Variants in NCAM1 observed in about 807,000 individuals in gnomAD.
NCAM1 encodes neural cell adhesion molecule 1, also known as antigen recognized by monoclonal antibody 5.1H11.
A neutral mutation model predicts 109.8 loss-of-function variants in NCAM1; 14 were observed. The observed-to-expected ratio is 0.13, with a 90% CI of 0.08 to 0.20. NCAM1 has a LOEUF of 0.20. Among genes scored for constraint, NCAM1 ranks in the 10% least tolerant of loss-of-function variants. The pLI is 1.00. For synonymous variants in NCAM1, 418 were observed against 442.9 expected (o/e 0.94, Z 0.70); for missense variants, 774 against 1,109.9 (o/e 0.70, Z 4.30).
At chr11:113,187,655 G>A (rs1268942487) in intron 1 of NCAM1, among the ~76,000 whole-genome samples, 1 of 151,956 alleles carries the variant, frequency 6.6e-6, no homozygotes, top group Non-Finnish European at 1.5e-5. Flanking sequence ...GACTCAGTGA[G>A]GAACGCTCCA....
Position 113,207,271 on chromosome 11 carries a change from C to T in NCAM1, c.639C>T (p.Thr213=). The change falls in exon 6 of 20, where the codon ACC becomes ACT. Residue 213 remains threonine, a synonymous_variant. Coordinates refer to ENST00000316851, the MANE Select transcript of NCAM1 (RefSeq NM_181351.5). ...DIQVIVNVPP[T]IQARQNIVNA... Reference sequence around the variant, plus strand: ...CCTTTTTTCCTTCAGTGCCACCTACCATCCAGGCCAGGCAGAATATTGTGA... The same window carrying T: ...CCTTTTTTCCTTCAGTGCCACCTACTATCCAGGCCAGGCAGAATATTGTGA... 3.1e-6 allele frequency: 5 copies of T among 1,613,848 alleles called. 1 individual carries two copies. The highest frequency in any genetic ancestry group is 1.1e-5 in the South Asian group (1 of 91,076).
intron 9 of NCAM1, among the ~76,000 whole-genome samples, chr11:113,230,802 G>T (rs964580813): frequency 6.6e-6 from 1 of 152,148 alleles, no homozygotes; most frequent in South Asian, 2.1e-4. Context: ...GACTCTTCCT[G>T]GGCCAGCAAC....
Position 113,267,167 on chromosome 11 carries a change from CT to C in NCAM1, c.2132-3018del, listed in dbSNP as rs558565661. Among the ~76,000 whole-genome samples, 234 of 152,282 alleles carry C rather than the reference CT, an allele frequency of 1.5e-3. 1 individual carries two copies. Among genetic ancestry groups the C allele is most frequent in the African/African-American group, 5.0e-3 (206 of 41,550 alleles). ...TACTTCTTCCTTCTGGTTATAACAC[CT>C]TTAAATATTTGGAAATAGTATTCTC... On this transcript the variant is annotated intron_variant, in intron 17 of 19. Transcript: ENST00000316851.
intron 1 of NCAM1, among the ~76,000 whole-genome samples, chr11:113,185,079 T>TAGAGAG (rs782462491): frequency 3.2e-5 from 4 of 125,742 alleles, no homozygotes; most frequent in East Asian, 5.7e-4. Flanking sequence ...TATATATATA[T>TAGAGAG]AGAGAGAGAG....
At chr11:113,152,675 A>G (rs1225225727) in intron 1 of NCAM1, among the ~76,000 whole-genome samples, 1 of 152,218 alleles carries the variant, frequency 6.6e-6, no homozygotes, top group East Asian at 1.9e-4. Context: ...AATCAACAAA[A>G]CTATATTCAA....
chr11:112,985,267 G>GC (rs1375951258), intron 1 of NCAM1, among the ~76,000 whole-genome samples: 1 of 96,978 alleles, frequency 1.0e-5, no homozygotes, highest in African/African-American at 3.7e-5. Context: ...TTTTTTTTTT[G>GC]CCAGTACCAT....
rs782337800 is a variant in NCAM1, at chr11:113,207,840, G to A, written c.754G>A (p.Glu252Lys). The A allele has an allele frequency of 8.7e-6, 14 of 1,609,944 alleles. No individual in the cohort carries two copies. The highest frequency in any genetic ancestry group is 3.3e-4 in the Middle Eastern group (2 of 6,060). ...CATTTCTACATGCTCTAGGGATGGG[G>A]AACAGATAGAGCAAGAGGAAGACGA... ...EPTMSWTKDG[E>K]QIEQEEDDEK... The change falls in exon 7 of 20, where the codon GAA becomes AAA. Residue 252 changes from glutamate to lysine, a missense_variant. Physicochemically the swap from Glu to Lys is moderately conservative, Grantham distance 56 (BLOSUM62 1). Around this residue, in one of 4 missense-constraint regions of NCAM1, gnomAD observed 523 missense variants for 784.2 expected, o/e 0.67. Coordinates refer to ENST00000316851, the MANE Select transcript of NCAM1 (RefSeq NM_181351.5).
chr11:113,121,004 A>G (rs1299102923), intron 1 of NCAM1, among the ~76,000 whole-genome samples: 4 of 152,212 alleles, frequency 2.6e-5, no homozygotes, highest in East Asian at 1.9e-4. Flanking sequence ...TTCCTCTGTG[A>G]TATGAGTTTT....
chr11:113,101,848 C>G (rs1939891047), intron 1 of NCAM1, among the ~76,000 whole-genome samples: 1 of 152,076 alleles, frequency 6.6e-6, no homozygotes, highest in African/African-American at 2.4e-5. Context: ...TTGCTATTTC[C>G]CAAGATGTGC....
At chr11:113,145,422 T>C (rs1349218258) in intron 1 of NCAM1, among the ~76,000 whole-genome samples, 2 of 152,216 alleles carry the variant, frequency 1.3e-5, no homozygotes, top group African/African-American at 2.4e-5. Context: ...AGTATTTGTT[T>C]CTGGAACAAT....
At chr11:113,134,028 TA>T (rs1941508849) in intron 1 of NCAM1, 2 of 152,204 alleles carry the variant, frequency 1.3e-5, no homozygotes, top group African/African-American at 4.8e-5. Flanking sequence ...TAATCATTTT[TA>T]AGTATACCCT....
At chr11:113,046,802 A>G (rs1364965477) in intron 1 of NCAM1, among the ~76,000 whole-genome samples, 2 of 149,566 alleles carry the variant, frequency 1.3e-5, no homozygotes, top group Admixed American at 6.9e-5. Context: ...GAAGAAAGAA[A>G]AGAGAGAGAG....
intron 1 of NCAM1, among the ~76,000 whole-genome samples, chr11:113,192,137 G>GCTGGAAGAAAAGAACATCGA (rs1359264890): frequency 2.0e-5 from 3 of 152,202 alleles, no homozygotes; most frequent in African/African-American, 7.2e-5. Context: ...CCTTTTTATA[G>GCTGGAAGAAAAGAACATCGA]CTGGAAGAAA....
intron 16 of NCAM1, among the ~76,000 whole-genome samples, chr11:113,259,432 G>A (rs1945922719): frequency 1.3e-5 from 2 of 152,182 alleles, no homozygotes; most frequent in Admixed American, 1.3e-4. Flanking sequence ...AACTTAAGCA[G>A]CATCCTGAAA....
At chr11:113,009,697 C>T (rs1555074032) in intron 1 of NCAM1, among the ~76,000 whole-genome samples, 1 of 152,066 alleles carries the variant, frequency 6.6e-6, no homozygotes, top group African/African-American at 2.4e-5. Flanking sequence ...TTTTCCAAGA[C>T]CATGTCTCCA....
rs1555126924 is a variant in NCAM1 at position 113,277,849 on chromosome 11, T to TTAAAAAAAAAA, written c.*2462_*2463insTAAAAAAAAAA. On this transcript the variant is annotated 3_prime_UTR_variant, in exon 20 of 20. Coordinates refer to ENST00000316851, the MANE Select transcript of NCAM1 (RefSeq NM_181351.5). ...TCTCAGCATGCAAGAGTTTTTCCTT[T>TTAAAAAAAAAA]AAAAAAAAAAAAAAAAAAAAAAAAA... 1.6e-5 allele frequency: 1 copy of TTAAAAAAAAAA among 63,250 alleles called. No homozygotes were observed. Among genetic ancestry groups the TTAAAAAAAAAA allele is most frequent in the African/African-American group, 6.7e-5 (1 of 14,962 alleles). The allele number at this position is 63,250 out of a possible 1,614,324, so 3.9% of individuals were successfully genotyped here.
intron 1 of NCAM1, among the ~76,000 whole-genome samples, chr11:113,176,440 C>T (rs1271461504): frequency 1.3e-5 from 2 of 152,172 alleles, no homozygotes; most frequent in African/African-American, 4.8e-5. Context: ...TATTCTAGAG[C>T]CCATCAACAT....
At chr11:113,014,073 A>C (rs1952146417) in intron 1 of NCAM1, among the ~76,000 whole-genome samples, 1 of 152,144 alleles carries the variant, frequency 6.6e-6, no homozygotes, top group Admixed American at 6.6e-5. Flanking sequence ...TTAGTGGGGA[A>C]GGTACATTTC....
chr11:113,275,547 C>A lies in NCAM1; in HGVS notation c.*160C>A, dbSNP rs1946386551. The A allele has an allele frequency of 9.8e-6, 9 of 921,276 alleles. No homozygotes were observed. The East Asian group carries it at 1.4e-4, about 14-fold the overall frequency. 57.1% of individuals were successfully genotyped at this position (921,276 alleles called of 1,614,324 possible). On this transcript the variant is annotated 3_prime_UTR_variant, in exon 20 of 20. Coordinates refer to ENST00000316851, the MANE Select transcript of NCAM1 (RefSeq NM_181351.5). ...TAGTGTCTTTTGCCTTTAAAAAAAACTAAACAGATAAAACATGGGAATCTC... is the reference window on the plus strand; with the variant it reads ...TAGTGTCTTTTGCCTTTAAAAAAAAATAAACAGATAAAACATGGGAATCTC...
Sources: gnomAD v4.1 joint callset for allele counts (sites outside exome capture counted in the v4.1 genomes callset) on GRCh38, gnomAD v4.1.1 for gene constraint, gnomAD v4.1.1 regional missense constraint, MANE v1.5 for transcripts, NCBI Gene and HGNC (gene_info 2026-07-23, HGNC 2026-07-21) for gene names.